The following CLRN3 variants were observed in gnomAD, a reference collection of about 807,000 sequenced individuals.
The protein encoded by CLRN3 is clarin-3.
In CLRN3, 12 loss-of-function variants were observed where a neutral mutation model predicts 16.7. The observed-to-expected ratio is 0.72, with a 90% CI of 0.46 to 1.16. The LOEUF (loss-of-function observed/expected upper bound fraction) is 1.16. Ranked by LOEUF, CLRN3 falls within the 50% of genes most tolerant of loss-of-function variation. The pLI is 0.00. For missense variants in CLRN3, 296 were observed against 274.2 expected (o/e 1.08, Z -0.56); for synonymous variants, 118 against 113.0 (o/e 1.04, Z -0.28).
At chr10:127,880,232 G>T (rs1024065965) in intron 2 of CLRN3, among the ~76,000 whole-genome samples, 2 of 152,164 alleles carry the variant, frequency 1.3e-5, no homozygotes, top group Non-Finnish European at 2.9e-5. Flanking sequence ...AAAGGGGCAG[G>T]ATGTATATAG....
At chr10:127,881,962 T>C (rs566226168) in intron 2 of CLRN3, among the ~76,000 whole-genome samples, 1 of 152,340 alleles carries the variant, frequency 6.6e-6, no homozygotes, top group East Asian at 1.9e-4. Context: ...ACTTTCTTAG[T>C]TGCATGAGCA....
chr10:127,892,163 A>G (rs1047217097), intron 1 of CLRN3, among the ~76,000 whole-genome samples: 4 of 152,232 alleles, frequency 2.6e-5, no homozygotes, highest in African/African-American at 9.6e-5. Flanking sequence ...TCTTTCCTGC[A>G]TAGATGCCAC....
In CLRN3 at chr10:127,892,865, G is replaced by C. The variant is rs1845275215; in HGVS notation, c.-81C>G. On this transcript the variant is annotated 5_prime_UTR_variant, in exon 1 of 3. Coordinates refer to ENST00000368671, the MANE Select transcript of CLRN3 (RefSeq NM_152311.5). The stretch of plus-strand genomic sequence containing the variant: ...TTTTGAACCTTATCTTTTGAAGTCT[G>C]GTATTTAGAAATGGAGTCTAACACT... The C allele has an allele frequency of 2.4e-6, 2 of 817,464 alleles. No individual in the cohort carries two copies. The highest frequency in any genetic ancestry group is 4.0e-6 in the Non-Finnish European group (2 of 497,338). The allele number at this position is 817,464 out of a possible 1,614,324, so 50.6% of individuals were successfully genotyped here.
chr10:127,890,865 C>T (rs977821637), intron 1 of CLRN3, among the ~76,000 whole-genome samples: 1 of 152,138 alleles, frequency 6.6e-6, no homozygotes, highest in African/African-American at 2.4e-5. Context: ...TCAAGCCCAG[C>T]GATTATTACA....
chr10:127,883,787 C>T lies in CLRN3; in HGVS notation c.318G>A (p.Leu106=), dbSNP rs1242117013. The change falls in exon 2 of 3, where the codon CTG becomes CTA. Residue 106 remains leucine (L), a synonymous_variant. Coordinates refer to ENST00000368671, the MANE Select transcript of CLRN3 (RefSeq NM_152311.5). ...TGTTGTAGAAGGTAAACCCAGAGCTCAGCAGCGACGTGATCAAACTCAGGA... is the reference window on the plus strand; with the variant it reads ...TGTTGTAGAAGGTAAACCCAGAGCTTAGCAGCGACGTGATCAAACTCAGGA... ...FLVLSLITSL[L]SSGFTFYNSI... The T allele has an allele frequency of 1.2e-6, 2 of 1,614,110 alleles. No homozygotes were observed. The highest frequency in any genetic ancestry group is 8.5e-7 in the Non-Finnish European group (1 of 1,180,002).
At chr10:127,886,187 T>C (rs1845191566) in intron 1 of CLRN3, among the ~76,000 whole-genome samples, 1 of 152,218 alleles carries the variant, frequency 6.6e-6, no homozygotes, top group Non-Finnish European at 1.5e-5. Context: ...CATAGCCAGA[T>C]AGACGTGGGG....
chr10:127,878,366 T>A lies in CLRN3; in HGVS notation c.464A>T (p.Gln155Leu), dbSNP rs1845085587. 2 of 1,614,176 alleles carry A rather than the reference T, an allele frequency of 1.2e-6. No homozygotes were observed. Reference sequence around the variant, plus strand: ...CATTTGGAACAACTCTTCGGAGAGTTGGTTGGACTGCGTGTTCGCCACAAA... The same window carrying A: ...CATTTGGAACAACTCTTCGGAGAGTAGGTTGGACTGCGTGTTCGCCACAAA... ...ILFVANTQSN[Q>L]LSEELFQMLY... Residue 155 changes from glutamine (Q) to leucine (L), a missense_variant, in exon 3 of 3, where the codon CAA (glutamine) becomes CTA (leucine). Gln to Leu is a moderately radical substitution (Grantham distance 113, BLOSUM62 -2). Transcript: ENST00000368671.
intron 1 of CLRN3, among the ~76,000 whole-genome samples, chr10:127,885,107 A>G (rs536233059): frequency 1.8e-4 from 27 of 152,296 alleles, no homozygotes; most frequent in African/African-American, 6.5e-4. Flanking sequence ...GAAAGCGAAA[A>G]GGCCAGGTAG....
At position 127,892,543 on chromosome 10, in the gene CLRN3, G is replaced by C; in HGVS notation, c.229+13C>G. ...AATCTCACTATATTCATTCAAATTA[G>C]TTTATCATTTACCTGCAAACTTTTT... On this transcript the variant is annotated intron_variant, in intron 1 of 2. Coordinates refer to ENST00000368671, the MANE Select transcript of CLRN3 (RefSeq NM_152311.5). The C allele has an allele frequency of 7.5e-7, 1 of 1,338,404 alleles. No individual in the cohort carries two copies. Among genetic ancestry groups the C allele is most frequent in the Non-Finnish European group, 1.1e-6 (1 of 927,996 alleles). The allele number at this position is 1,338,404 out of a possible 1,614,324, so 82.9% of individuals were successfully genotyped here. A position where few individuals can be genotyped will look rare whatever the true frequency, so the allele number is the denominator to read the frequency against.
intron 2 of CLRN3, among the ~76,000 whole-genome samples, chr10:127,882,935 C>T (rs1845146427): frequency 6.6e-6 from 1 of 152,182 alleles, no homozygotes; most frequent in Non-Finnish European, 1.5e-5. Flanking sequence ...ATAGGTACTT[C>T]CCCAGCCCTG....
chr10:127,888,708 G>A (rs750534503), intron 1 of CLRN3, among the ~76,000 whole-genome samples: 3 of 152,220 alleles, frequency 2.0e-5, no homozygotes, highest in South Asian at 2.1e-4. Flanking sequence ...AAGACCAGCC[G>A]GGAGCTGAGC....
intron 1 of CLRN3, among the ~76,000 whole-genome samples, chr10:127,887,451 CT>C (rs112841520): frequency 0.13 from 17,444 of 139,294 alleles, 1,170 homozygotes; most frequent in African/African-American, 0.2. Flanking sequence ...GTTCACATTC[CT>C]TTTTTTTTTT....
chr10:127,881,619 T>C (rs1845129482), intron 2 of CLRN3, among the ~76,000 whole-genome samples: 2 of 152,198 alleles, frequency 1.3e-5, no homozygotes, highest in South Asian at 4.1e-4. Flanking sequence ...CAGGTAGCCT[T>C]GGCCCATTAG....
Position 127,878,122 on chromosome 10 carries a change from C to T in CLRN3, c.*27G>A, listed in dbSNP as rs1237956968. The T allele has an allele frequency of 1.9e-6, 3 of 1,605,412 alleles. No homozygotes were observed. Among genetic ancestry groups the T allele is most frequent in the Non-Finnish European group, 2.6e-6 (3 of 1,173,662 alleles). On this transcript the variant is annotated 3_prime_UTR_variant, in exon 3 of 3. Transcript: ENST00000368671. ...ACTCAGGGCTGATGTACAATAGATG[C>T]AACGCCAAAATGAGATGAAAGAGAA...
At chr10:127,878,748 A>T (rs535850415) in intron 2 of CLRN3, among the ~76,000 whole-genome samples, 2 of 152,340 alleles carry the variant, frequency 1.3e-5, no homozygotes, top group African/African-American at 4.8e-5. Context: ...TGACTAGGAC[A>T]GTTCAGAGAG....
In CLRN3 at chr10:127,883,842, G is replaced by GT. The variant is rs748191748; in HGVS notation, c.262dup (p.Thr88AsnfsTer84). The GT allele has an allele frequency of 1.7e-5, 28 of 1,614,060 alleles. No homozygotes were observed. In the East Asian group the frequency reaches 2.4e-4, roughly 14 times the overall value. ...GAACAGGATAGTCACCGAATGCAGAGTTTTTTGGGAAGAATTATTCAGTAT... is the reference window on the plus strand; with the variant it reads ...GAACAGGATAGTCACCGAATGCAGAGTTTTTTTGGGAAGAATTATTCAGTAT... On this transcript the variant is annotated frameshift_variant, in exon 2 of 3. Transcript: ENST00000368671. LOFTEE classifies it high-confidence loss of function.
chr10:127,892,091 T>TA (rs1333000542), intron 1 of CLRN3, among the ~76,000 whole-genome samples: 4 of 152,148 alleles, frequency 2.6e-5, no homozygotes, highest in African/African-American at 9.7e-5. Context: ...TTTTTGGAGG[T>TA]AAATTAAAAT....
chr10:127,879,288 A>G (rs1845097913), intron 2 of CLRN3, among the ~76,000 whole-genome samples: 1 of 151,852 alleles, frequency 6.6e-6, no homozygotes. Flanking sequence ...TTTTATGGAG[A>G]CCGGCTTTTT....
At chr10:127,892,473 G>T in intron 1 of CLRN3, 83 bp downstream of exon 1, 1 of 813,154 alleles carries the variant, frequency 1.2e-6, no homozygotes, top group Non-Finnish European at 2.1e-6. Flanking sequence ...AATTATTTTT[G>T]AATGGTTATT....
Sources: gnomAD v4.1 joint callset for allele counts (sites outside exome capture counted in the v4.1 genomes callset) on GRCh38, gnomAD v4.1.1 for gene constraint, MANE v1.5 for transcripts, NCBI Gene and HGNC (gene_info 2026-07-23, HGNC 2026-07-21) for gene names.